SGCD: variants seen among roughly 807,000 people sequenced by gnomAD.
SGCD encodes delta-sarcoglycan.
Under a neutral mutation model 36.6 loss-of-function variants are expected in SGCD, and 18 were observed. The ratio of observed to expected loss-of-function variants is 0.49; its 90% CI spans 0.34 to 0.73. The LOEUF (loss-of-function observed/expected upper bound fraction) is 0.73. SGCD is among the 30% of genes least tolerant of loss of function. The pLI is 0.01. For synonymous variants in SGCD, 133 were observed against 130.6 expected (o/e 1.02, Z -0.12); for missense variants, 387 against 346.7 (o/e 1.12, Z -0.92).
At chr5:156,280,881 T>C (rs547885812) in intron 3 of SGCD, among the ~76,000 whole-genome samples, 29 of 152,288 alleles carry the variant, frequency 1.9e-4, no homozygotes, top group African/African-American at 7.0e-4. Flanking sequence ...CACTGCATTG[T>C]ATTAATCGGA....
At chr5:156,675,677 A>G (rs1753478386) in intron 7 of SGCD, among the ~76,000 whole-genome samples, 2 of 152,212 alleles carry the variant, frequency 1.3e-5, no homozygotes, top group South Asian at 4.1e-4. Flanking sequence ...GGCTATGAAT[A>G]AAAAGGTGAG....
intron 1 of SGCD, among the ~76,000 whole-genome samples, chr5:155,982,533 G>T (rs1758249679): frequency 2.0e-5 from 3 of 152,034 alleles, no homozygotes. Flanking sequence ...GACCAGATCT[G>T]GACACTGTCC....
chr5:156,761,634 AG>A lies in SGCD; in HGVS notation c.*2245del, dbSNP rs563881540. ...TAGGTTAAGACAGGTGATTTTTTAA[AG>A]TAGACTGTCTTTGCATTTTGCCATC... is the stretch of plus-strand genomic sequence containing the variant. On this transcript the variant is annotated 3_prime_UTR_variant, in exon 9 of 9. Transcript: ENST00000337851. The A allele has an allele frequency of 1.1e-3, 165 of 152,338 alleles. No individual in the cohort carries two copies. Among genetic ancestry groups the A allele is most frequent in the African/African-American group, 3.9e-3 (161 of 41,572 alleles). 9.4% of individuals were successfully genotyped at this position (152,338 alleles called of 1,614,324 possible). A position where few individuals can be genotyped will look rare whatever the true frequency, so the allele number is the denominator to read the frequency against.
intron 1 of SGCD, among the ~76,000 whole-genome samples, chr5:155,960,198 A>G (rs895167710): frequency 6.7e-6 from 1 of 148,252 alleles, no homozygotes; most frequent in Non-Finnish European, 1.5e-5. Context: ...TCTTTACACC[A>G]CTCTTTTCTT....
intron 8 of SGCD, among the ~76,000 whole-genome samples, chr5:156,758,373 G>A (rs572169003): frequency 1.4e-5 from 2 of 143,650 alleles, no homozygotes; most frequent in South Asian, 2.2e-4. Context: ...TAATCATAGA[G>A]TTAAAAAATC....
the SGCD span, among the ~76,000 whole-genome samples, chr5:155,834,621 C>T: frequency 1.3e-5 from 2 of 152,140 alleles, no homozygotes; most frequent in South Asian, 2.1e-4. Flanking sequence ...GTTTCACACA[C>T]TATATTATGG....
upstream of SGCD, among the ~76,000 whole-genome samples, chr5:155,869,993 C>A (rs1189666963): frequency 8.1e-6 from 1 of 124,156 alleles, no homozygotes; most frequent in Non-Finnish European, 1.6e-5. Flanking sequence ...AGCGAGACTC[C>A]GTCTCAACAA....
chr5:155,792,048 A>C, the SGCD span, among the ~76,000 whole-genome samples: 1 of 152,162 alleles, frequency 6.6e-6, no homozygotes, highest in African/African-American at 2.4e-5. Flanking sequence ...TGATGCTGGT[A>C]CAAAACCAGA....
chr5:156,617,872 C>T (rs886503965), intron 6 of SGCD, among the ~76,000 whole-genome samples: 23 of 152,132 alleles, frequency 1.5e-4, no homozygotes, highest in African/African-American at 5.6e-4. Context: ...ACCCACTCTG[C>T]CTTTTACCAT....
At chr5:156,145,203 A>G (rs935408009) in intron 3 of SGCD, among the ~76,000 whole-genome samples, 3 of 152,202 alleles carry the variant, frequency 2.0e-5, no homozygotes, top group African/African-American at 7.2e-5. Context: ...AGTTCTCACA[A>G]GATCTGGTTG....
chr5:156,197,472 CTT>C (rs368116194), intron 3 of SGCD, among the ~76,000 whole-genome samples: 77 of 133,798 alleles, frequency 5.8e-4, no homozygotes, highest in Admixed American at 6.8e-4. Context: ...AATAGTTTTC[CTT>C]TTTTTTTTTT....
At chr5:155,830,040 CAA>C in the SGCD span, among the ~76,000 whole-genome samples, 1,432 of 152,206 alleles carry the variant, frequency 9.4e-3, 22 homozygotes, top group African/African-American at 0.033. Context: ...GATGGAGGCC[CAA>C]AGTCTCTCAG....
chr5:156,383,040 A>G (rs1028679675), intron 3 of SGCD, among the ~76,000 whole-genome samples: 1 of 152,236 alleles, frequency 6.6e-6, no homozygotes, highest in African/African-American at 2.4e-5. Flanking sequence ...AAGAGTAGAT[A>G]GGCATTCATG....
intron 3 of SGCD, among the ~76,000 whole-genome samples, chr5:156,173,033 A>G (rs930357758): frequency 2.6e-5 from 4 of 152,096 alleles, no homozygotes; most frequent in African/African-American, 9.7e-5. Context: ...ATTAACATAA[A>G]TTTTTGTCCT....
chr5:156,218,201 G>A (rs914613416), intron 3 of SGCD, among the ~76,000 whole-genome samples: 6 of 152,044 alleles, frequency 3.9e-5, no homozygotes, highest in Non-Finnish European at 7.4e-5. Context: ...GCAGTGAGCC[G>A]AGATGGCGCC....
intron 3 of SGCD, among the ~76,000 whole-genome samples, chr5:156,489,297 CACTGCTCTCAGCGTT>C (rs1430054668): frequency 1.3e-5 from 2 of 152,068 alleles, no homozygotes; most frequent in African/African-American, 4.8e-5. Flanking sequence ...GGGACTTCAA[CACTGCTCTCAGCGTT>C]GGAAAGATCA....
chr5:156,477,386 T>C (rs190074141), intron 3 of SGCD, among the ~76,000 whole-genome samples: 18 of 152,288 alleles, frequency 1.2e-4, no homozygotes, highest in South Asian at 1.0e-3. Flanking sequence ...TGGATAAACA[T>C]AGGACAGGCC....
At chr5:156,509,862 G>A (rs1756857591) in intron 4 of SGCD, among the ~76,000 whole-genome samples, 2 of 152,058 alleles carry the variant, frequency 1.3e-5, no homozygotes, top group African/African-American at 4.8e-5. Context: ...TTGTTTTTTA[G>A]TGGAGTGGTA....
intron 3 of SGCD, among the ~76,000 whole-genome samples, chr5:156,452,469 A>G (rs1016582973): frequency 2.0e-5 from 3 of 152,288 alleles, no homozygotes; most frequent in African/African-American, 4.8e-5. Context: ...AAGTTTTTGC[A>G]AAGAAGAAAC....
Sources: gnomAD v4.1 joint callset for allele counts (sites outside exome capture counted in the v4.1 genomes callset) on GRCh38, gnomAD v4.1.1 for gene constraint, MANE v1.5 for transcripts, NCBI Gene and HGNC (gene_info 2026-07-23, HGNC 2026-07-21) for gene names.